CNTN5: variants seen among roughly 807,000 people sequenced by gnomAD.
The protein encoded by CNTN5 is contactin 5, also known as contactin-5.
A neutral mutation model predicts 129.1 loss-of-function variants in CNTN5; 77 were observed. That is an observed-to-expected ratio of 0.60 (90% confidence interval 0.50 to 0.72). The LOEUF (loss-of-function observed/expected upper bound fraction) is 0.72. Among genes scored for constraint, CNTN5 ranks in the 30% least tolerant of loss-of-function variants. CNTN5 has a pLI of 0.00. For missense variants in CNTN5, 1,478 were observed against 1,328.8 expected (o/e 1.11, Z -1.75); for synonymous variants, 509 against 465.6 (o/e 1.09, Z -1.20).
rs34339608 is a variant in CNTN5 at position 99,273,798 on chromosome 11, A to AT, written c.-209-51538dup. 9.7e-3 allele frequency among the ~76,000 whole-genome samples: 1,450 copies of AT among 149,814 alleles called. 21 individuals carry two copies. The highest frequency in any genetic ancestry group is 0.032 in the African/African-American group (1,311 of 41,020). ...CCATAAAAATCTGATTATACTTATG[A>AT]TTTTTTTTTTGAATAGTCAAATCAT... is the stretch of plus-strand genomic sequence containing the variant. On this transcript the variant is annotated intron_variant, in intron 1 of 24. Transcript: ENST00000524871.
intron 16 of CNTN5, among the ~76,000 whole-genome samples, chr11:100,247,371 T>C (rs1469721765): frequency 2.0e-5 from 3 of 152,162 alleles, no homozygotes; most frequent in Non-Finnish European, 4.4e-5. Flanking sequence ...AGTATAACTG[T>C]TTGTTTCTCA....
At chr11:99,610,399 CA>C (rs1950559515) in intron 3 of CNTN5, among the ~76,000 whole-genome samples, 1 of 151,984 alleles carries the variant, frequency 6.6e-6, no homozygotes, top group Admixed American at 6.6e-5. Context: ...CAGGACTAGA[CA>C]TAACATGATG....
chr11:99,567,369 T>TC (rs544753000), intron 3 of CNTN5, among the ~76,000 whole-genome samples: 94 of 152,228 alleles, frequency 6.2e-4, no homozygotes, highest in Middle Eastern at 6.8e-3. Context: ...AAAAGGCATT[T>TC]TTTTTTTCTC....
At chr11:99,639,861 T>G (rs1951707754) in intron 3 of CNTN5, among the ~76,000 whole-genome samples, 1 of 151,900 alleles carries the variant, frequency 6.6e-6, no homozygotes, top group Admixed American at 6.6e-5. Context: ...ACCACGTCAG[T>G]CCCAAGTCAG....
intron 2 of CNTN5, among the ~76,000 whole-genome samples, chr11:99,470,333 AT>A (rs1285755540): frequency 3.3e-5 from 5 of 152,148 alleles, no homozygotes. Context: ...ATTTAACTGT[AT>A]TTTCATACTT....
At chr11:99,777,360 G>GT (rs1272120120) in intron 3 of CNTN5, among the ~76,000 whole-genome samples, 1 of 151,764 alleles carries the variant, frequency 6.6e-6, no homozygotes, top group Non-Finnish European at 1.5e-5. Context: ...TGTTCAGGTT[G>GT]TTTTTTGCAT....
At chr11:99,083,889 G>A (rs1466343766) in intron 1 of CNTN5, among the ~76,000 whole-genome samples, 1 of 152,062 alleles carries the variant, frequency 6.6e-6, no homozygotes, top group Non-Finnish European at 1.5e-5. Context: ...CTCTCTCTAG[G>A]GTTGAGAGCC....
At chr11:99,349,645 G>A (rs1938152088) in intron 2 of CNTN5, among the ~76,000 whole-genome samples, 1 of 152,162 alleles carries the variant, frequency 6.6e-6, no homozygotes, top group Non-Finnish European at 1.5e-5. Context: ...GAGGCCATCT[G>A]GAGATGTTAG....
chr11:99,210,340 T>C (rs1859705260), intron 1 of CNTN5, among the ~76,000 whole-genome samples: 1 of 152,168 alleles, frequency 6.6e-6, no homozygotes, highest in Non-Finnish European at 1.5e-5. Context: ...ATTTAGAACA[T>C]TTATGTAATG....
rs1321426160 is a variant in CNTN5 at position 99,149,039 on chromosome 11, AG to A, written c.-210+127770del. ...CATAATGAGTAATAAGGAAAATGGC[AG>A]AGAAATGCTGATCAGTTAGTTTCTC... On this transcript the variant is annotated intron_variant, in intron 1 of 24. Transcript: ENST00000524871. Among the ~76,000 whole-genome samples the A allele has an allele frequency of 4.6e-5, 7 of 152,318 alleles. No homozygotes were observed. The East Asian group carries it at 1.3e-3, about 29-fold the overall frequency.
chr11:99,158,114 G>A (rs1200034298), intron 1 of CNTN5, among the ~76,000 whole-genome samples: 1 of 152,032 alleles, frequency 6.6e-6, no homozygotes, highest in Non-Finnish European at 1.5e-5. Context: ...TTAATTTGTG[G>A]GCATGAATTT....
intron 9 of CNTN5, among the ~76,000 whole-genome samples, chr11:100,031,384 A>G (rs1941699659): frequency 1.3e-5 from 2 of 152,144 alleles, no homozygotes; most frequent in African/African-American, 4.8e-5. Context: ...GAGGTTTCAC[A>G]TCACCAAGAT....
At chr11:99,816,901 C>G (rs1946605378) in intron 3 of CNTN5, among the ~76,000 whole-genome samples, 1 of 152,068 alleles carries the variant, frequency 6.6e-6, no homozygotes, top group Non-Finnish European at 1.5e-5. Flanking sequence ...ATTTTCTTCC[C>G]TGTCTAGAGT....
At chr11:100,257,194 C>T (rs1032794405) in intron 17 of CNTN5, among the ~76,000 whole-genome samples, 1 of 152,144 alleles carries the variant, frequency 6.6e-6, no homozygotes, top group African/African-American at 2.4e-5. Context: ...GCAGAGCCCA[C>T]CGCAGCTCAG....
intron 1 of CNTN5, among the ~76,000 whole-genome samples, chr11:99,213,764 A>G (rs182259645): frequency 8.6e-5 from 13 of 152,026 alleles, no homozygotes; most frequent in Admixed American, 7.2e-4. Flanking sequence ...GGATTATGCT[A>G]TTGTCTGCCT....
At chr11:100,306,688 G>C (rs1951357588) in intron 20 of CNTN5, among the ~76,000 whole-genome samples, 1 of 151,594 alleles carries the variant, frequency 6.6e-6, no homozygotes, top group Non-Finnish European at 1.5e-5. Flanking sequence ...CCACTAAATA[G>C]CATGGGGAAA....
chr11:99,656,667 G>T (rs1952377762), intron 3 of CNTN5, among the ~76,000 whole-genome samples: 1 of 152,138 alleles, frequency 6.6e-6, no homozygotes, highest in Admixed American at 6.6e-5. Flanking sequence ...AGAGATGCCA[G>T]TCTCAGCAAA....
Position 99,474,328 on chromosome 11 carries a change from C to T in CNTN5, c.-70-81817C>T, listed in dbSNP as rs900060931. 5.9e-5 allele frequency among the ~76,000 whole-genome samples: 9 copies of T among 151,960 alleles called. No individual in the cohort carries two copies. In the East Asian group the frequency reaches 7.7e-4, roughly 13 times the overall value. On this transcript the variant is annotated intron_variant, in intron 2 of 24. Coordinates refer to ENST00000524871, the MANE Select transcript of CNTN5 (RefSeq NM_014361.4). ...CCATCAAAAAAATACCCATCCTCTG[C>T]GTCTTCTTCCCCACTGATTTGAAAT...
chr11:99,033,653 T>C (rs1332241425), intron 1 of CNTN5, among the ~76,000 whole-genome samples: 1 of 150,832 alleles, frequency 6.6e-6, no homozygotes, highest in Non-Finnish European at 1.5e-5. Flanking sequence ...GCTTATCAGC[T>C]TAAGGAGATT....
Sources: gnomAD v4.1 joint callset for allele counts (sites outside exome capture counted in the v4.1 genomes callset) on GRCh38, gnomAD v4.1.1 for gene constraint, MANE v1.5 for transcripts, NCBI Gene and HGNC (gene_info 2026-07-23, HGNC 2026-07-21) for gene names.